Variants in PTCHD1 observed in about 807,000 individuals in gnomAD.
The protein encoded by PTCHD1 is patched domain containing 1, also known as patched domain-containing protein 1.
PTCHD1 carries 3 observed loss-of-function variants against 34.6 expected under a neutral mutation model. That is an observed-to-expected ratio of 0.09 (90% CI 0.04 to 0.22). The LOEUF is 0.22. Among genes scored for constraint, PTCHD1 ranks in the 10% least tolerant of loss-of-function variants. The pLI is 1.00. For missense variants in PTCHD1, 504 were observed against 685.5 expected (o/e 0.74, Z 2.96); for synonymous variants, 305 against 283.1 (o/e 1.08, Z -0.77).
chrX:23,335,701 T>G (rs7053054), intron 1 of PTCHD1, among the ~76,000 whole-genome samples: 17,388 of 110,560 alleles, frequency 0.16, 1,230 homozygotes, highest in African/African-American at 0.24. Flanking sequence ...CCCGGAGTGT[T>G]TGGGGAACGG....
chrX:23,342,306 ATATATTTTTTT>A (rs1378974587), intron 1 of PTCHD1, among the ~76,000 whole-genome samples: 1 of 9,840 alleles, frequency 1.0e-4, no homozygotes, highest in Non-Finnish European at 1.3e-4. Context: ...ATATATATAT[ATATATTTTTTT>A]TTTTTTTTTT....
chrX:23,379,782 G>A lies in PTCHD1; in HGVS notation c.543G>A (p.Lys181=), dbSNP rs1175938564. The change falls in exon 2 of 3, where the codon AAG becomes AAA. Residue 181 remains lysine (K), a synonymous_variant. Coordinates refer to ENST00000379361, the MANE Select transcript of PTCHD1 (RefSeq NM_173495.3). ...FAITYPITHL[K]DGRAVYNGHQ... is the part of the protein sequence containing the mutation. ...TCACATACCCAATCACTCACTTAAA[G>A]GACGGGAGGGCTGTGTACAATGGGC... The A allele has an allele frequency of 8.3e-7, 1 of 1,209,372 alleles. No homozygotes were observed. The highest frequency in any genetic ancestry group is 1.8e-5 in the South Asian group (1 of 56,740).
chrX:23,375,548 G>A (rs1231655281), intron 1 of PTCHD1, among the ~76,000 whole-genome samples: 2 of 75,732 alleles, frequency 2.6e-5, no homozygotes, highest in African/African-American at 5.4e-5. Context: ...CAAAGTGCTG[G>A]GATTACAGGC....
At position 23,379,602 on chromosome X, in the gene PTCHD1, T is replaced by C. The variant is rs375956501; in HGVS notation, c.363T>C (p.Ala121=). 5 of 1,210,125 alleles carry C rather than the reference T, an allele frequency of 4.1e-6. No individual in the cohort carries two copies. In the African/African-American group the frequency reaches 8.7e-5, roughly 21 times the overall value. ...TTTTTCCCCCACAGTTGCATGCTGC[T>C]GTCACCAAGATCCAGGTTCCAAGGC... ...HTDLILKLHA[A]VTKIQVPRPG... Residue 121 remains alanine, a synonymous_variant, in exon 2 of 3, where the codon GCT becomes GCC. Transcript: ENST00000379361.
chrX:23,353,530 G>T (rs1020440514), intron 1 of PTCHD1, among the ~76,000 whole-genome samples: 3 of 111,945 alleles, frequency 2.7e-5, no homozygotes, highest in Non-Finnish European at 5.7e-5. Context: ...CGGAGGTTGC[G>T]GTGAGCGGAG....
At chrX:23,378,460 G>A (rs909500206) in intron 1 of PTCHD1, among the ~76,000 whole-genome samples, 3 of 112,186 alleles carry the variant, frequency 2.7e-5, no homozygotes, top group Non-Finnish European at 1.9e-5. Flanking sequence ...GTACATATCT[G>A]AAATAGAGCA....
intron 1 of PTCHD1, among the ~76,000 whole-genome samples, chrX:23,337,974 T>C (rs1254434117): frequency 8.9e-6 from 1 of 111,895 alleles, no homozygotes; most frequent in African/African-American, 3.3e-5. Flanking sequence ...AAAAGCCAGG[T>C]TGACGTTTTT....
intron 1 of PTCHD1, among the ~76,000 whole-genome samples, chrX:23,344,080 G>A (rs1254888099): frequency 8.9e-6 from 1 of 112,304 alleles, no homozygotes; most frequent in East Asian, 2.8e-4. Context: ...GGAACTGCAA[G>A]TCTGCATTTC....
chrX:23,385,920 G>A (rs1336994379), intron 2 of PTCHD1, among the ~76,000 whole-genome samples: 1 of 110,515 alleles, frequency 9.0e-6, no homozygotes, highest in Non-Finnish European at 1.9e-5. Flanking sequence ...AATATGATAT[G>A]TAGTAAGCTC....
At chrX:23,382,615 A>G (rs1484779747) in intron 2 of PTCHD1, among the ~76,000 whole-genome samples, 2 of 112,963 alleles carry the variant, frequency 1.8e-5, no homozygotes, top group Non-Finnish European at 3.7e-5. Context: ...TTTACATCAC[A>G]GTTCAATTCA....
chrX:23,404,046 A>ACCAGAGATCG lies in PTCHD1; in HGVS notation c.*9867_*9868insATCGCCAGAG, dbSNP rs995000661. 4 of 112,189 alleles carry ACCAGAGATCG rather than the reference A, an allele frequency of 3.6e-5. No homozygotes were observed. 9.2% of individuals were successfully genotyped at this position (112,189 alleles called of 1,213,427 possible). ...GTTCCTCTCCATCTGACCAGCTTTC[A>ACCAGAGATCG]CCAGAGGGCGATCTTTCATGCTTGC... On this transcript the variant is annotated 3_prime_UTR_variant, in exon 3 of 3. Coordinates refer to ENST00000379361, the MANE Select transcript of PTCHD1 (RefSeq NM_173495.3).
chrX:23,343,202 A>T (rs1226744161), intron 1 of PTCHD1, among the ~76,000 whole-genome samples: 1 of 112,854 alleles, frequency 8.9e-6, no homozygotes, highest in African/African-American at 3.2e-5. Flanking sequence ...CATCTTTGAC[A>T]AATCTTGGTT....
chrX:23,348,269 G>GA (rs150677783), intron 1 of PTCHD1, among the ~76,000 whole-genome samples: 12,472 of 83,114 alleles, frequency 0.15, 1,049 homozygotes, highest in East Asian at 0.5. Context: ...AGTTAAAAGA[G>GA]AAAAAAAAAA....
intron 1 of PTCHD1, among the ~76,000 whole-genome samples, chrX:23,374,295 A>AC (rs1195570552): frequency 1.0e-5 from 1 of 98,286 alleles, no homozygotes; most frequent in Non-Finnish European, 2.1e-5. Context: ...AAAAAAAAAA[A>AC]AAAAAAAAAA....
intron 1 of PTCHD1, among the ~76,000 whole-genome samples, chrX:23,342,265 CCTATATATATATATATATATATATAT>C (rs768739042): frequency 0.17 from 9,918 of 57,419 alleles, 829 homozygotes; most frequent in East Asian, 0.58. Context: ...TGTGTTTCTC[CCTATATATATATATATATATATATAT>C]ATATATATAT....
intron 1 of PTCHD1, among the ~76,000 whole-genome samples, chrX:23,361,080 G>A (rs1373938380): frequency 1.3e-4 from 14 of 111,900 alleles, no homozygotes; most frequent in African/African-American, 4.5e-4. Context: ...TATGTGGTCA[G>A]TTTTGGAATA....
At chrX:23,358,673 TG>T (rs1220024422) in intron 1 of PTCHD1, among the ~76,000 whole-genome samples, 16 of 112,399 alleles carry the variant, frequency 1.4e-4, no homozygotes, top group African/African-American at 4.2e-4. Context: ...TTGTCTATGT[TG>T]GCTTTTGTTG....
In PTCHD1 at chrX:23,394,573, A is replaced by G; in HGVS notation, c.*388A>G. ...ATTGTGACAAAACCCACTGATTGAA[A>G]GGTCAACTGCCAAGGCAGAAACACC... On this transcript the variant is annotated 3_prime_UTR_variant, in exon 3 of 3. Transcript: ENST00000379361. The G allele has an allele frequency of 6.6e-6, 1 of 151,265 alleles. No homozygotes were observed. Among genetic ancestry groups the G allele is most frequent in the Admixed American group, 7.3e-5 (1 of 13,692 alleles). 12.5% of individuals were successfully genotyped at this position (151,265 alleles called of 1,213,427 possible). A position where few individuals can be genotyped will look rare whatever the true frequency, so the allele number is the denominator to read the frequency against.
intron 1 of PTCHD1, among the ~76,000 whole-genome samples, chrX:23,348,693 C>A (rs774551751): frequency 9.0e-6 from 1 of 111,410 alleles, no homozygotes; most frequent in Admixed American, 9.5e-5. Context: ...CAATAGCCAG[C>A]AAAATTATGC....
Sources: gnomAD v4.1 joint callset for allele counts (sites outside exome capture counted in the v4.1 genomes callset) on GRCh38, gnomAD v4.1.1 for gene constraint, MANE v1.5 for transcripts, NCBI Gene and HGNC (gene_info 2026-07-23, HGNC 2026-07-21) for gene names.